The following DDR2 variants were observed in gnomAD, a reference collection of about 807,000 sequenced individuals.
DDR2 encodes the protein discoidin domain-containing receptor 2.
A neutral mutation model predicts 94.9 loss-of-function variants in DDR2; 27 were observed. That is an observed-to-expected ratio of 0.28 (90% CI 0.21 to 0.39). DDR2 has a LOEUF of 0.39. Ranked by LOEUF, DDR2 falls within the 10% of genes least tolerant of loss-of-function variation. The probability of loss-of-function intolerance (pLI) is 1.00; values close to 1 mark genes in which losing one functional copy is unlikely to be tolerated. For synonymous variants in DDR2, 382 were observed against 377.2 expected, an observed-to-expected ratio of 1.01 and a Z score of -0.15; for missense variants, 783 against 1,076.0, an observed-to-expected ratio of 0.73 and a Z score of 3.81.
intron 1 of DDR2, among the ~76,000 whole-genome samples, chr1:162,654,164 A>C (rs1020481163): frequency 6.6e-6 from 1 of 152,208 alleles, no homozygotes; most frequent in Non-Finnish European, 1.5e-5. Flanking sequence ...ATCTCAAGGC[A>C]TGGTGGCTCA....
At position 162,638,379 on chromosome 1, in the gene DDR2, A is replaced by T. The variant is rs552088202; in HGVS notation, c.-192+5748A>T. Among the ~76,000 whole-genome samples the T allele has an allele frequency of 1.5e-3, 231 of 152,272 alleles. 4 individuals are homozygous for T. The highest frequency in any genetic ancestry group is 5.2e-3 in the African/African-American group (216 of 41,554). ...TGTTGCCATGGTCTTCATTATTATCATCATAATTATGGCTATCGTTCTATG... is the reference window on the plus strand; with the variant it reads ...TGTTGCCATGGTCTTCATTATTATCTTCATAATTATGGCTATCGTTCTATG... On this transcript the variant is annotated intron_variant, in intron 1 of 17. Transcript: ENST00000367921.
intron 2 of DDR2, among the ~76,000 whole-genome samples, chr1:162,685,529 TTTAACAA>T (rs577642241): frequency 5.3e-4 from 81 of 152,104 alleles, no homozygotes; most frequent in African/African-American, 1.9e-3. Context: ...GCTCTACTTT[TTTAACAA>T]GGTATATAAT....
intron 3 of DDR2, among the ~76,000 whole-genome samples, chr1:162,727,992 A>G (rs1427683665): frequency 7.1e-6 from 1 of 141,662 alleles, no homozygotes; most frequent in Non-Finnish European, 1.5e-5. Flanking sequence ...TAATCACACT[A>G]TATATATCTA....
chr1:162,657,744 G>C (rs959962257), intron 2 of DDR2, among the ~76,000 whole-genome samples: 1 of 152,016 alleles, frequency 6.6e-6, no homozygotes, highest in Non-Finnish European at 1.5e-5. Context: ...CGACGGCCCC[G>C]TGCTTATGAG....
At chr1:162,673,123 C>A (rs938334169) in intron 2 of DDR2, among the ~76,000 whole-genome samples, 1 of 152,144 alleles carries the variant, frequency 6.6e-6, no homozygotes, top group Non-Finnish European at 1.5e-5. Context: ...GTATAACAAT[C>A]AGCTCAAATG....
chr1:162,668,595 T>G lies in DDR2; in HGVS notation c.-28+13221T>G, dbSNP rs76012806. On this transcript the variant is annotated intron_variant, in intron 2 of 17. Transcript: ENST00000367921. ...TCACTCCAATCTCTGCCTTGATGTT[T>G]ACATACTCTTCATTGTGTATGTCTC... Among the ~76,000 whole-genome samples, 1,261 of 152,296 alleles carry G rather than the reference T, an allele frequency of 8.3e-3. 26 individuals carry two copies. The highest frequency in any genetic ancestry group is 0.028 in the African/African-American group (1,170 of 41,552).
intron 3 of DDR2, among the ~76,000 whole-genome samples, chr1:162,751,221 A>G (rs927383575): frequency 6.6e-6 from 1 of 152,152 alleles, no homozygotes; most frequent in Non-Finnish European, 1.5e-5. Context: ...CCTACAGAAT[A>G]GGAGAAAATT....
chr1:162,749,695 CACA>C (rs749894880), intron 3 of DDR2, among the ~76,000 whole-genome samples: 4 of 152,082 alleles, frequency 2.6e-5, no homozygotes, highest in Non-Finnish European at 5.9e-5. Flanking sequence ...CTAGCAGAGA[CACA>C]ACAACAACAA....
At chr1:162,703,637 G>A (rs1454461048) in intron 2 of DDR2, among the ~76,000 whole-genome samples, 1 of 152,176 alleles carries the variant, frequency 6.6e-6, no homozygotes, top group Non-Finnish European at 1.5e-5. Context: ...TCTGTGGAAG[G>A]CACTGTGTTA....
intron 2 of DDR2, among the ~76,000 whole-genome samples, chr1:162,670,173 C>T (rs564777336): frequency 3.3e-5 from 5 of 152,280 alleles, no homozygotes; most frequent in South Asian, 2.1e-4. Flanking sequence ...TGCAGTGGCA[C>T]GATCTCAGCT....
chr1:162,660,768 G>A (rs900212855), intron 2 of DDR2, among the ~76,000 whole-genome samples: 2 of 152,210 alleles, frequency 1.3e-5, no homozygotes, highest in African/African-American at 2.4e-5. Flanking sequence ...CCTGCTGGTG[G>A]CATCCAGCCT....
chr1:162,685,282 T>G (rs1261564430), intron 2 of DDR2, among the ~76,000 whole-genome samples: 1 of 152,216 alleles, frequency 6.6e-6, no homozygotes, highest in Non-Finnish European at 1.5e-5. Context: ...ATCTGTGTTC[T>G]TTCATAGAAT....
chr1:162,776,382 G>A lies in DDR2; in HGVS notation c.2283+12G>A, dbSNP rs2102200207. The A allele has an allele frequency of 6.2e-7, 1 of 1,613,736 alleles. No homozygotes were observed. The highest frequency in any genetic ancestry group is 8.5e-7 in the Non-Finnish European group (1 of 1,179,692). ...AGAGTATCTTGCTGGTAAGTTCTCA[G>A]CATTTTAAAGCCCTGTCTAACAACT... is the stretch of plus-strand genomic sequence containing the variant. On this transcript the variant is annotated intron_variant, in intron 16 of 17. Transcript: ENST00000367921.
At chr1:162,631,187 TG>T (rs1557992950), upstream of DDR2, among the ~76,000 whole-genome samples, 4 of 22,936 alleles carry the variant, frequency 1.7e-4, no homozygotes, top group African/African-American at 3.8e-4. Context: ...CCTCATTGTG[TG>T]TGTGTGTGTG....
At chr1:162,697,387 C>T (rs983398152) in intron 2 of DDR2, among the ~76,000 whole-genome samples, 7 of 152,194 alleles carry the variant, frequency 4.6e-5, no homozygotes, top group African/African-American at 1.7e-4. Flanking sequence ...CTCACATAGT[C>T]ATTTGCTGAA....
At chr1:162,707,929 G>A (rs1379401047) in intron 2 of DDR2, among the ~76,000 whole-genome samples, 1 of 152,110 alleles carries the variant, frequency 6.6e-6, no homozygotes, top group African/African-American at 2.4e-5. Flanking sequence ...TGATAGAAAA[G>A]TGTCCCTAAA....
In DDR2 at chr1:162,741,209, C is replaced by CAATATAATATAATATAATAT. The variant is rs1553250264; in HGVS notation, c.83-11869_83-11850dup. 3.1e-3 allele frequency among the ~76,000 whole-genome samples: 217 copies of CAATATAATATAATATAATAT among 69,528 alleles called. 4 individuals carry two copies. Among genetic ancestry groups the CAATATAATATAATATAATAT allele is most frequent in the Admixed American group, 0.012 (69 of 5,662 alleles). The allele number at this position is 69,528 out of a possible 152,430, so 45.6% of individuals were successfully genotyped here. A position where few individuals can be genotyped will look rare whatever the true frequency, so the allele number is the denominator to read the frequency against. ...TAACATAACATAATACAATACAATA[C>CAATATAATATAATATAATAT]AATATAATATAATATAATATAATAT... On this transcript the variant is annotated intron_variant, in intron 3 of 17. Transcript: ENST00000367921.
intron 2 of DDR2, among the ~76,000 whole-genome samples, chr1:162,662,191 T>A (rs1197044003): frequency 6.6e-6 from 1 of 152,244 alleles, no homozygotes; most frequent in Non-Finnish European, 1.5e-5. Context: ...TTGGAAGAAG[T>A]ACAATGTATT....
At chr1:162,753,696 A>G (rs1318789742) in intron 4 of DDR2, among the ~76,000 whole-genome samples, 1 of 152,144 alleles carries the variant, frequency 6.6e-6, no homozygotes, top group Non-Finnish European at 1.5e-5. Context: ...TCTTACACAG[A>G]AGGGCCATCC....
Sources: gnomAD v4.1 joint callset for allele counts (sites outside exome capture counted in the v4.1 genomes callset) on GRCh38, gnomAD v4.1.1 for gene constraint, MANE v1.5 for transcripts, NCBI Gene and HGNC (gene_info 2026-07-23, HGNC 2026-07-21) for gene names.